POM121L2: variants seen among roughly 807,000 people sequenced by gnomAD.
The protein encoded by POM121L2 is POM121-like protein 2.
For synonymous variants in POM121L2, 459 were observed against 483.8 expected, an observed-to-expected ratio of 0.95 and a Z score of 0.67; for missense variants, 1,167 against 1,260.3, an observed-to-expected ratio of 0.93 and a Z score of 1.12.
In POM121L2 at chr6:27,309,039, G is replaced by A; in HGVS notation, c.*24C>T. 6.6e-7 allele frequency: 1 copy of A among 1,504,776 alleles called. No individual in the cohort carries two copies. The highest frequency in any genetic ancestry group is 8.9e-7 in the Non-Finnish European group (1 of 1,118,690). The allele number at this position is 1,504,776 out of a possible 1,614,324, so 93.2% of individuals were successfully genotyped here. A position where few individuals can be genotyped will look rare whatever the true frequency, so the allele number is the denominator to read the frequency against. On this transcript the variant is annotated 3_prime_UTR_variant, in exon 1 of 1. Transcript: ENST00000444565. Reference sequence around the variant, plus strand: ...AAAACAATACTGAGGTCTAAATCAGGGTGCAAGTGACAGGGAACACAGGCT... The same window carrying A: ...AAAACAATACTGAGGTCTAAATCAGAGTGCAAGTGACAGGGAACACAGGCT...
At position 27,310,380 on chromosome 6, in the gene POM121L2, G is replaced by T. The variant is rs1002668382; in HGVS notation, c.1791C>A (p.Ser597=). The T allele has an allele frequency of 3.2e-6, 5 of 1,552,020 alleles. No individual in the cohort carries two copies. The African/African-American group carries it at 6.8e-5, about 21-fold the overall frequency. Residue 597 remains serine, a synonymous_variant, in exon 1 of 1, where the codon TCC becomes TCA. Coordinates refer to ENST00000444565, the MANE Select transcript of POM121L2 (RefSeq NM_033482.4). The part of the protein sequence containing the change: ...LKTTPMIAPF[S]SKQTPPPFTH... ...TAAATGGAGGAGGGGTCTGCTTGGA[G>T]GAGAAAGGAGCTATCATGGGCGTAG...
At position 27,309,515 on chromosome 6, in the gene POM121L2, G is replaced by A; in HGVS notation, c.2656C>T (p.Pro886Ser). ...AATCCCCCAAAAGTGAAAGGTTGTG[G>A]AGCTCTGCTGCCAAACACTGAGCCA... ...AFGSVFGSRA[P>S]QPFTFGGFVT... is the part of the protein sequence containing the mutation. The change falls in exon 1 of 1, where the codon CCA (proline) becomes TCA (serine). Residue 886 changes from proline to serine, a missense_variant. By Grantham distance (74) the Pro-to-Ser change is moderately conservative. Transcript: ENST00000444565. 1 of 1,552,026 alleles carries A rather than the reference G, an allele frequency of 6.4e-7. No homozygotes were observed. The highest frequency in any genetic ancestry group is 8.7e-7 in the Non-Finnish European group (1 of 1,147,068).
chr6:27,309,245 G>A lies in POM121L2; in HGVS notation c.2926C>T (p.Pro976Ser). 6.4e-7 allele frequency: 1 copy of A among 1,551,798 alleles called. No individual in the cohort carries two copies. The highest frequency in any genetic ancestry group is 8.7e-7 in the Non-Finnish European group (1 of 1,147,004). ...CTGCTGCCTGCCTTAGCTTGTCCAG[G>A]GACTGGGGTGTTTTGAGCAATGGGG... ...MAPIAQNTPVPGQAKAGSSVG... is the reference protein window; with the variant it reads ...MAPIAQNTPVSGQAKAGSSVG... Residue 976 changes from proline to serine, a missense_variant, in exon 1 of 1, where the codon CCT becomes TCT. Pro to Ser is a moderately conservative substitution (Grantham distance 74). Transcript: ENST00000444565.
rs12191414 is a variant in POM121L2, at chr6:27,310,855, C to T, written c.1316G>A (p.Ser439Asn). The T allele has an allele frequency of 6.4e-7, 1 of 1,551,656 alleles. No homozygotes were observed. Among genetic ancestry groups the T allele is most frequent in the East Asian group, 2.4e-5 (1 of 40,912 alleles). The change falls in exon 1 of 1, where the codon AGC becomes AAC. Residue 439 changes from serine to asparagine, a missense_variant. By Grantham distance (46) the Ser-to-Asn change is conservative. Transcript: ENST00000444565. ...SVAHSPLKTPSLPTPPGCSQS... is the reference protein window; with the variant it reads ...SVAHSPLKTPNLPTPPGCSQS... ...TGAGCACCCAGGTGGGGTCGGTAGG[C>T]TGGGTGTCTTCAAAGGAGAATGGGC...
rs1005198334 is a variant in POM121L2, at chr6:27,312,166, C to T, written c.5G>A (p.Gly2Asp). 4.2e-6 allele frequency: 6 copies of T among 1,444,242 alleles called. No homozygotes were observed. Among genetic ancestry groups the T allele is most frequent in the African/African-American group, 1.4e-5 (1 of 69,712 alleles). The allele number at this position is 1,444,242 out of a possible 1,614,324, so 89.5% of individuals were successfully genotyped here. Reference protein sequence around the residue: MGSFLSKLELSP... With the variant: MDSFLSKLELSP... ...AAGTTCCAGTTTGCTCAGGAAACTG[C>T]CCATGAGGAGAGATGAGGCGCGGGC... Residue 2 changes from glycine (G) to aspartate (D), a missense_variant, in exon 1 of 1, where the codon GGC becomes GAC. Physicochemically the swap from Gly to Asp is moderately conservative, Grantham distance 94. Transcript: ENST00000444565. This position sits in a 1 kb window ranked among gnomAD's most constrained non-coding sequence, Gnocchi z 6.7.
rs1477118244 is a variant in POM121L2, at chr6:27,310,637, C to A, written c.1534G>T (p.Val512Leu). The A allele has an allele frequency of 1.3e-6, 2 of 1,551,852 alleles. No individual in the cohort carries two copies. The highest frequency in any genetic ancestry group is 2.4e-5 in the East Asian group (1 of 40,916). The change falls in exon 1 of 1, where the codon GTG becomes TTG. Residue 512 changes from valine to leucine, a missense_variant. Val to Leu is a conservative substitution (Grantham distance 32, BLOSUM62 1). Transcript: ENST00000444565. The part of the protein sequence containing the change: ...PTIQSTLLGM[V>L]SSPTSHLSAS... ...GAAAGATGGGATGTTGGGCTACTCA[C>A]CATTCCAAGCAAAGTACTTTGGATG...
Position 27,310,975 on chromosome 6 carries a change from T to G in POM121L2, c.1196A>C (p.Gln399Pro), listed in dbSNP as rs1760737429. The change falls in exon 1 of 1, where the codon CAG (glutamine) becomes CCG (proline). Residue 399 changes from glutamine (Q) to proline (P), a missense_variant. Transcript: ENST00000444565. ...GTTTTCCAACTGAGGATTTGCTCCC[T>G]GGGTTAGATCTGTTTCTGAAGAAGG... ...ALPSSETDLT[Q>P]GANPQLENLR... 6.4e-7 allele frequency: 1 copy of G among 1,551,958 alleles called. No individual in the cohort carries two copies. Among genetic ancestry groups the G allele is most frequent in the Non-Finnish European group, 8.7e-7 (1 of 1,146,870 alleles).
chr6:27,312,195 G>A lies in POM121L2; in HGVS notation c.-25C>T. ...TGAGGAGAGATGAGGCGCGGGCAGT[G>A]AGTTCAAGCACGGTTTTGGCTTCCG... is the stretch of plus-strand genomic sequence containing the variant. On this transcript the variant is annotated 5_prime_UTR_variant, in exon 1 of 1. Transcript: ENST00000444565. The surrounding 1 kb of genome is among the most constrained non-coding windows in gnomAD (Gnocchi z 6.7). 2 of 1,379,160 alleles carry A rather than the reference G, an allele frequency of 1.5e-6. No individual in the cohort carries two copies. Among genetic ancestry groups the A allele is most frequent in the South Asian group, 1.5e-5 (1 of 65,194 alleles). The allele number at this position is 1,379,160 out of a possible 1,614,324, so 85.4% of individuals were successfully genotyped here.
chr6:27,310,444 G>T lies in POM121L2; in HGVS notation c.1727C>A (p.Thr576Asn). The change falls in exon 1 of 1, where the codon ACC becomes AAC. Residue 576 changes from threonine (T) to asparagine (N), a missense_variant. Transcript: ENST00000444565. Reference protein sequence around the residue: ...LSTIQGTLTPTFKPIFGSIDP... With the variant: ...LSTIQGTLTPNFKPIFGSIDP... Reference sequence around the variant, plus strand: ...TATGCTGCCAAAGATAGGCTTGAAGGTAGGAGTTAAGGTACCCTGAATTGT... The same window carrying T: ...TATGCTGCCAAAGATAGGCTTGAAGTTAGGAGTTAAGGTACCCTGAATTGT... 1 of 1,552,258 alleles carries T rather than the reference G, an allele frequency of 6.4e-7. No homozygotes were observed. Among genetic ancestry groups the T allele is most frequent in the Middle Eastern group, 1.7e-4 (1 of 5,996 alleles).
In POM121L2 at chr6:27,312,007, G is replaced by C; in HGVS notation, c.164C>G (p.Pro55Arg). 3.2e-6 allele frequency: 5 copies of C among 1,544,222 alleles called. No individual in the cohort carries two copies. Among genetic ancestry groups the C allele is most frequent in the Non-Finnish European group, 4.4e-6 (5 of 1,142,260 alleles). The change falls in exon 1 of 1, where the codon CCT becomes CGT. Residue 55 changes from proline to arginine, a missense_variant. By Grantham distance (103) the Pro-to-Arg change is moderately radical. Transcript: ENST00000444565. The surrounding 1 kb of genome is among the most constrained non-coding windows in gnomAD (Gnocchi z 6.7). ...ATCCAGGTTTGGCCGCCTCCTCACAGGTCTATACCGTGGGGCAGGGTGGGC... is the reference window on the plus strand; with the variant it reads ...ATCCAGGTTTGGCCGCCTCCTCACACGTCTATACCGTGGGGCAGGGTGGGC... ...HRAHPAPRYR[P>R]VRRRPNLDPA...
Position 27,311,986 on chromosome 6 carries a change from A to G in POM121L2, c.185T>C (p.Leu62Pro). 1 of 1,550,116 alleles carries G rather than the reference A, an allele frequency of 6.5e-7. No homozygotes were observed. The highest frequency in any genetic ancestry group is 8.7e-7 in the Non-Finnish European group (1 of 1,146,200). ...CCACGTGGTTGGATTGGCAGGATCC[A>G]GGTTTGGCCGCCTCCTCACAGGTCT... Reference protein sequence around the residue: ...RYRPVRRRPNLDPANPTTWLA... With the variant: ...RYRPVRRRPNPDPANPTTWLA... Residue 62 changes from leucine (L) to proline (P), a missense_variant, in exon 1 of 1, where the codon CTG becomes CCG. Transcript: ENST00000444565.
chr6:27,312,098 T>G lies in POM121L2; in HGVS notation c.73A>C (p.Arg25=), dbSNP rs11965377. ...PAQVRTDLPE[R]PTKRRPPQPL... is the part of the protein sequence containing the mutation. The stretch of plus-strand genomic sequence containing the variant: ...TGAGGTGGCCGGCGTTTCGTGGGCC[T>G]CTCGGGCAAGTCGGTGCGCACCTGG... Residue 25 remains arginine (R), a synonymous_variant, in exon 1 of 1, where the codon AGG becomes CGG. Coordinates refer to ENST00000444565, the MANE Select transcript of POM121L2 (RefSeq NM_033482.4). The surrounding 1 kb of genome is among the most constrained non-coding windows in gnomAD (Gnocchi z 6.7). The G allele has an allele frequency of 6.8e-7, 1 of 1,478,456 alleles. No homozygotes were observed. Among genetic ancestry groups the G allele is most frequent in the South Asian group, 1.4e-5 (1 of 70,856 alleles). The allele number at this position is 1,478,456 out of a possible 1,614,324, so 91.6% of individuals were successfully genotyped here.
upstream of POM121L2, chr6:27,311,506 C>T: frequency 6.4e-7 from 1 of 1,551,780 alleles, no homozygotes; most frequent in South Asian, 1.2e-5. Context: ...ATCTGAGCCC[C>T]AGGAGTGGAG....
At position 27,311,029 on chromosome 6, in the gene POM121L2, G is replaced by C. The variant is rs1195449374; in HGVS notation, c.1142C>G (p.Ala381Gly). The stretch of plus-strand genomic sequence containing the variant: ...AGCAAGAGACAAGGAAGGCTGAATA[G>C]CAAGCCAAGTCTCAGGGAAAGGGTC... ...NTDPFPETWLAIQPSLSLALP... is the reference protein window; with the variant it reads ...NTDPFPETWLGIQPSLSLALP... The change falls in exon 1 of 1, where the codon GCT becomes GGT. Residue 381 changes from alanine to glycine, a missense_variant. Transcript: ENST00000444565. 2 of 1,551,800 alleles carry C rather than the reference G, an allele frequency of 1.3e-6. No homozygotes were observed. The highest frequency in any genetic ancestry group is 1.7e-6 in the Non-Finnish European group (2 of 1,146,920).
chr6:27,310,456 G>C lies in POM121L2; in HGVS notation c.1715C>G (p.Thr572Ser). 6.4e-7 allele frequency: 1 copy of C among 1,552,276 alleles called. No homozygotes were observed. The highest frequency in any genetic ancestry group is 2.0e-5 in the Admixed American group (1 of 51,002). ...SISSLSTIQG[T>S]LTPTFKPIFG... is the part of the protein sequence containing the mutation. ...GATAGGCTTGAAGGTAGGAGTTAAG[G>C]TACCCTGAATTGTGGAAAGGGAAGA... is the stretch of plus-strand genomic sequence containing the variant. The change falls in exon 1 of 1, where the codon ACC becomes AGC. Residue 572 changes from threonine to serine, a missense_variant. Physicochemically the swap from Thr to Ser is moderately conservative, Grantham distance 58 (BLOSUM62 1). Coordinates refer to ENST00000444565, the MANE Select transcript of POM121L2 (RefSeq NM_033482.4).
At chr6:27,311,787 TC>T, upstream of POM121L2, 1 of 1,551,802 alleles carries the variant, frequency 6.4e-7, no homozygotes, top group Non-Finnish European at 8.7e-7. Context: ...AAGGGGGCAC[TC>T]TCTGGTCAGG....
Position 27,311,743 on chromosome 6 carries a change from C to T in POM121L2, c.428G>A (p.Gly143Glu), listed in dbSNP as rs761533908. The T allele has an allele frequency of 7.7e-6, 12 of 1,551,816 alleles. No homozygotes were observed. The South Asian group carries it at 1.4e-4, about 18-fold the overall frequency. ...TSPEDVIALAGLPPSEELADP... is the reference protein window; with the variant it reads ...TSPEDVIALAELPPSEELADP... ...TGCGAGCTCCTCAGAGGGCGGGAGT[C>T]CTGCAAGGGCAATTACATCTTCAGG... is the stretch of plus-strand genomic sequence containing the variant. Residue 143 changes from glycine (G) to glutamate (E), a missense_variant, in exon 1 of 1, where the codon GGA becomes GAA. By Grantham distance (98) the Gly-to-Glu change is moderately conservative. Coordinates refer to ENST00000444565, the MANE Select transcript of POM121L2 (RefSeq NM_033482.4).
At position 27,308,774 on chromosome 6, in the gene POM121L2, T is replaced by G. The variant is rs1760703098; in HGVS notation, c.*289A>C. Among the ~76,000 whole-genome samples, 1 of 152,220 alleles carries G rather than the reference T, an allele frequency of 6.6e-6. No individual in the cohort carries two copies. The highest frequency in any genetic ancestry group is 1.5e-5 in the Non-Finnish European group (1 of 68,042). ...AAAGTCTGGATATTATAGATCCTGC[T>G]GCTGTGCACACTGCACACCTGACAC... is the stretch of plus-strand genomic sequence containing the variant. On this transcript the variant is annotated 3_prime_UTR_variant, in exon 1 of 1. Transcript: ENST00000444565.
Position 27,310,184 on chromosome 6 carries a change from C to T in POM121L2, c.1987G>A (p.Asp663Asn), listed in dbSNP as rs1760724896. Reference sequence around the variant, plus strand: ...TGAGCAGTCCCAAGCAGGAAAGTGTCGCAAGTGGAAGGGACAGAATAAGTG... The same window carrying T: ...TGAGCAGTCCCAAGCAGGAAAGTGTTGCAAGTGGAAGGGACAGAATAAGTG... ...GNTYSVPSTC[D>N]TFLLGTAQAF... is the part of the protein sequence containing the mutation. Residue 663 changes from aspartate (D) to asparagine (N), a missense_variant, in exon 1 of 1, where the codon GAC becomes AAC. By Grantham distance (23) the Asp-to-Asn change is conservative. Coordinates refer to ENST00000444565, the MANE Select transcript of POM121L2 (RefSeq NM_033482.4). 6.4e-6 allele frequency: 10 copies of T among 1,552,074 alleles called. No individual in the cohort carries two copies. The highest frequency in any genetic ancestry group is 1.2e-5 in the South Asian group (1 of 84,042).
Sources: allele counts gnomAD v4.1 joint callset (sites outside exome capture counted in the v4.1 genomes callset), GRCh38; gene constraint gnomAD v4.1.1; non-coding constraint Gnocchi (gnomAD v3.1); transcripts MANE v1.5; gene names NCBI Gene and HGNC (gene_info 2026-07-23, HGNC 2026-07-21).